The following FOXK2 variants were observed in gnomAD, a reference collection of about 807,000 sequenced individuals.
FOXK2 encodes forkhead box protein K2.
In FOXK2, 24 loss-of-function variants were observed where a neutral mutation model predicts 53.3. That is an observed-to-expected ratio of 0.45 (90% CI 0.33 to 0.63). The LOEUF (loss-of-function observed/expected upper bound fraction) is 0.63, where lower values mean the gene tolerates loss of function less well. Ranked by LOEUF, FOXK2 falls within the 30% of genes least tolerant of loss-of-function variation. The probability of loss-of-function intolerance (pLI) is 0.03; values close to 1 mark genes in which losing one functional copy is unlikely to be tolerated. For synonymous variants in FOXK2, 505 were observed against 407.1 expected (o/e 1.24, Z -2.89); for missense variants, 952 against 910.5 (o/e 1.05, Z -0.59).
intron 1 of FOXK2, among the ~76,000 whole-genome samples, chr17:82,551,978 C>T (rs922386481): frequency 6.6e-6 from 1 of 152,208 alleles, no homozygotes; most frequent in Non-Finnish European, 1.5e-5. Context: ...GCACCTGCTG[C>T]ACTCTGGGTG....
At chr17:82,597,164 C>T (rs1385536175) in intron 8 of FOXK2, among the ~76,000 whole-genome samples, 1 of 152,246 alleles carries the variant, frequency 6.6e-6, no homozygotes, top group Non-Finnish European at 1.5e-5. Flanking sequence ...ACATCACACT[C>T]CTTGTCCAGG....
chr17:82,554,703 T>C (rs965801516), intron 1 of FOXK2, among the ~76,000 whole-genome samples: 2 of 151,950 alleles, frequency 1.3e-5, no homozygotes, highest in Non-Finnish European at 2.9e-5. Flanking sequence ...TAGTCTATAC[T>C]GAGCTTCATT....
At chr17:82,598,981 T>A (rs1302859056) in intron 8 of FOXK2, 2 of 152,244 alleles carry the variant, frequency 1.3e-5, no homozygotes, top group African/African-American at 4.8e-5. Context: ...CTCAGCGGCC[T>A]CCCGTGCCTC....
intron 1 of FOXK2, among the ~76,000 whole-genome samples, chr17:82,561,898 C>T (rs1243781647): frequency 5.3e-5 from 2 of 37,446 alleles, no homozygotes; most frequent in Non-Finnish European, 1.2e-4. Context: ...ACAGAGTCTT[C>T]CTCTGTTGGG....
intron 4 of FOXK2, chr17:82,577,343 G>A (rs1468094270): frequency 2.8e-6 from 2 of 723,520 alleles, no homozygotes; most frequent in Non-Finnish European, 4.8e-6. Context: ...AAATTCATCA[G>A]AGGTGGAGGA....
At chr17:82,531,017 C>T (rs1343476666) in intron 1 of FOXK2, among the ~76,000 whole-genome samples, 1 of 152,152 alleles carries the variant, frequency 6.6e-6, no homozygotes, top group Non-Finnish European at 1.5e-5. Flanking sequence ...AATGTCTGTT[C>T]TGGGTCCTCC....
chr17:82,549,907 A>G (rs2044659998), intron 1 of FOXK2, among the ~76,000 whole-genome samples: 1 of 152,238 alleles, frequency 6.6e-6, no homozygotes, highest in African/African-American at 2.4e-5. Flanking sequence ...CCTGTAGTTG[A>G]GAAAGCAGGA....
At chr17:82,532,410 C>T (rs1259357740) in intron 1 of FOXK2, among the ~76,000 whole-genome samples, 1 of 152,046 alleles carries the variant, frequency 6.6e-6, no homozygotes, top group Non-Finnish European at 1.5e-5. Flanking sequence ...TCCCAAAGTG[C>T]TGGGATTACA....
At chr17:82,565,452 ACTC>A (rs1236363354) in intron 2 of FOXK2, among the ~76,000 whole-genome samples, 1 of 152,224 alleles carries the variant, frequency 6.6e-6, no homozygotes, top group African/African-American at 2.4e-5. Context: ...TATAGAGAGA[ACTC>A]CTAAAACTCA....
chr17:82,525,934 C>T (rs9894681), intron 1 of FOXK2, among the ~76,000 whole-genome samples: 43 of 59,076 alleles, frequency 7.3e-4, no homozygotes, highest in Admixed American at 1.5e-3. Flanking sequence ...TTCTTTCTTA[C>T]GTGGCATGAA....
At chr17:82,580,972 T>G (rs1032650058) in intron 4 of FOXK2, among the ~76,000 whole-genome samples, 1 of 152,192 alleles carries the variant, frequency 6.6e-6, no homozygotes, top group Admixed American at 6.5e-5. Context: ...CCCAGAGGCA[T>G]TAGGATGGCA....
intron 1 of FOXK2, among the ~76,000 whole-genome samples, chr17:82,542,988 G>A (rs946803047): frequency 1.3e-5 from 2 of 152,146 alleles, no homozygotes; most frequent in African/African-American, 2.4e-5. Flanking sequence ...GTGAAACCCT[G>A]TATAAATGAA....
At chr17:82,582,616 T>A in intron 4 of FOXK2, 125 bp from the exon 5 acceptor site, 1 of 719,736 alleles carries the variant, frequency 1.4e-6, no homozygotes, top group Non-Finnish European at 2.2e-6. Context: ...GAAAAAAAAT[T>A]CACTCTTGCA....
intron 1 of FOXK2, among the ~76,000 whole-genome samples, chr17:82,529,632 TGCCTCG>T (rs2044453811): frequency 6.6e-6 from 1 of 152,154 alleles, no homozygotes; most frequent in Non-Finnish European, 1.5e-5. Context: ...GTGATCCGCT[TGCCTCG>T]GCCTCCCAAA....
chr17:82,535,124 C>G (rs1243564466), intron 1 of FOXK2, among the ~76,000 whole-genome samples: 2 of 152,234 alleles, frequency 1.3e-5, no homozygotes, highest in Non-Finnish European at 1.5e-5. Context: ...AGCTTATCCA[C>G]CTGCCTCAGC....
intron 7 of FOXK2, among the ~76,000 whole-genome samples, chr17:82,586,525 A>G (rs1426965540): frequency 8.7e-6 from 1 of 115,516 alleles, no homozygotes; most frequent in Admixed American, 8.2e-5. Flanking sequence ...GAGAGGGGAG[A>G]CCACAGGGAG....
At chr17:82,522,473 A>G (rs1265826421) in intron 1 of FOXK2, among the ~76,000 whole-genome samples, 2 of 148,360 alleles carry the variant, frequency 1.3e-5, no homozygotes, top group Non-Finnish European at 3.0e-5. Context: ...GGTTCACATC[A>G]TTCTCCTGCC....
chr17:82,588,886 TAAAA>T (rs71369024), intron 8 of FOXK2, among the ~76,000 whole-genome samples: 1 of 122,052 alleles, frequency 8.2e-6, no homozygotes. Flanking sequence ...CCATTTCTAC[TAAAA>T]AAAAAAAAAA....
At chr17:82,578,570 T>A (rs1458123877) in intron 4 of FOXK2, 1 of 152,218 alleles carries the variant, frequency 6.6e-6, no homozygotes, top group African/African-American at 2.4e-5. Flanking sequence ...GAAACATAGT[T>A]ACTTTATTCT....
Sources: gnomAD v4.1 joint callset for allele counts (sites outside exome capture counted in the v4.1 genomes callset) on GRCh38, gnomAD v4.1.1 for gene constraint, MANE v1.5 for transcripts, NCBI Gene and HGNC (gene_info 2026-07-23, HGNC 2026-07-21) for gene names.